SLC26A9: variants seen among roughly 807,000 people sequenced by gnomAD.
The protein encoded by SLC26A9 is anion transporter/exchanger protein 9.
Under a neutral mutation model 87.1 loss-of-function variants are expected in SLC26A9, and 46 were observed. The ratio of observed to expected loss-of-function variants is 0.53; its 90% CI spans 0.42 to 0.67. The LOEUF (loss-of-function observed/expected upper bound fraction) is 0.67, where lower values mean the gene tolerates loss of function less well. SLC26A9 is among the 30% of genes least tolerant of loss of function. The pLI is 0.00. For synonymous variants in SLC26A9, 437 were observed against 409.1 expected (o/e 1.07, Z -0.82); for missense variants, 927 against 1,018.3 (o/e 0.91, Z 1.22).
intron 1 of SLC26A9, among the ~76,000 whole-genome samples, chr1:205,937,177 G>A (rs911139852): frequency 1.3e-5 from 2 of 152,078 alleles, no homozygotes; most frequent in African/African-American, 2.4e-5. Context: ...TTGGTCTTGG[G>A]ATCCCAAGGT....
intron 6 of SLC26A9, 46 bp downstream of exon 6, chr1:205,929,846 C>T: frequency 6.5e-7 from 1 of 1,546,430 alleles, no homozygotes; most frequent in Admixed American, 1.9e-5. Context: ...CCTCATGTGT[C>T]TGCTGGAGCC....
intron 20 of SLC26A9, 105 bp from the exon 21 acceptor site, chr1:205,915,509 A>G: frequency 1.4e-6 from 2 of 1,410,234 alleles, no homozygotes; most frequent in Non-Finnish European, 2.0e-6. Context: ...CCTGGCCAGA[A>G]CAAAGCACCT....
Position 205,914,475 on chromosome 1 carries a change from A to C in SLC26A9, c.*882T>G. 7 of 173,974 alleles carry C rather than the reference A, an allele frequency of 4.0e-5. No individual in the cohort carries two copies. The highest frequency in any genetic ancestry group is 6.2e-5 in the Non-Finnish European group (5 of 80,140). The allele number at this position is 173,974 out of a possible 1,614,324, so 10.8% of individuals were successfully genotyped here. A position where few individuals can be genotyped will look rare whatever the true frequency, so the allele number is the denominator to read the frequency against. ...CTTCCCCTCTGAGTCTCTGGGTGCA[A>C]AGAGGAATTCCCAAAAGTTTTGTGC... On this transcript the variant is annotated 3_prime_UTR_variant, in exon 21 of 21. Transcript: ENST00000367135.
At chr1:205,928,133 G>C in intron 8 of SLC26A9, 84 bp from the exon 9 acceptor site, 3 of 1,498,472 alleles carry the variant, frequency 2.0e-6, no homozygotes, top group Non-Finnish European at 2.7e-6. Context: ...ACAGGGACCA[G>C]CCAGGCCCCC....
chr1:205,920,192 G>A lies in SLC26A9; in HGVS notation c.2094C>T (p.Phe698=). The change falls in exon 18 of 21, where the codon TTC becomes TTT. Residue 698 remains phenylalanine (F), a synonymous_variant. Transcript: ENST00000367135. ...TTCTCTTACCATGGATGTTCACCAA[G>A]AAGACCTTCACGCCGATCTTCCCAT... ...STYGKIGVKV[F]LVNIHAQVYN... is the part of the protein sequence containing the mutation. 6.2e-7 allele frequency: 1 copy of A among 1,614,042 alleles called. No homozygotes were observed. Among genetic ancestry groups the A allele is most frequent in the Non-Finnish European group, 8.5e-7 (1 of 1,179,918 alleles).
Position 205,928,905 on chromosome 1 carries a change from A to G in SLC26A9, c.875T>C (p.Val292Ala), listed in dbSNP as rs904885497. 6.2e-7 allele frequency: 1 copy of G among 1,614,098 alleles called. No homozygotes were observed. The highest frequency in any genetic ancestry group is 8.5e-7 in the Non-Finnish European group (1 of 1,180,010). Residue 292 changes from valine to alanine, a missense_variant, in exon 8 of 21, where the codon GTG (valine) becomes GCG (alanine). Val to Ala is a moderately conservative substitution (Grantham distance 64). Coordinates refer to ENST00000367135, the MANE Select transcript of SLC26A9 (RefSeq NM_052934.4). ...GCCCCCGGAGATAGCTGTTGCCACC[A>G]CCACCTGCAAACCCCAGAGTGGAGA... ...FPIPTEMIVV[V>A]VATAISGGCK...
chr1:205,927,156 G>A lies in SLC26A9; in HGVS notation c.1293+55C>T, dbSNP rs1659104287. On this transcript the variant is annotated intron_variant, in intron 11 of 20. Coordinates refer to ENST00000367135, the MANE Select transcript of SLC26A9 (RefSeq NM_052934.4). ...CCGTAAAGTGCCACACAACTCTCAG[G>A]GATTGTTCTTATTGGAGTCTTTCGT... 3.2e-6 allele frequency: 5 copies of A among 1,582,500 alleles called. No individual in the cohort carries two copies. The South Asian group carries it at 3.3e-5, about 11-fold the overall frequency.
intron 1 of SLC26A9, among the ~76,000 whole-genome samples, chr1:205,942,092 G>T (rs1659771156): frequency 6.6e-6 from 1 of 152,198 alleles, no homozygotes; most frequent in African/African-American, 2.4e-5. Context: ...GGTCAGTCTG[G>T]CTGTTTAGTA....
At chr1:205,923,896 T>G (rs1023999785) in intron 13 of SLC26A9, among the ~76,000 whole-genome samples, 1 of 152,086 alleles carries the variant, frequency 6.6e-6, no homozygotes, top group Non-Finnish European at 1.5e-5. Context: ...AAGTCATCAT[T>G]TCCTTGTTCT....
chr1:205,919,389 A>C (rs1236691968), intron 18 of SLC26A9, among the ~76,000 whole-genome samples: 1 of 152,134 alleles, frequency 6.6e-6, no homozygotes, highest in Non-Finnish European at 1.5e-5. Context: ...TTAATCCTAG[A>C]GATGGTTTCC....
At position 205,927,774 on chromosome 1, in the gene SLC26A9, A is replaced by T. The variant is rs556778204; in HGVS notation, c.1101+128T>A. 7.4e-6 allele frequency: 11 copies of T among 1,485,616 alleles called. No homozygotes were observed. In the African/African-American group the frequency reaches 1.5e-4, roughly 21 times the overall value. 92.0% of individuals were successfully genotyped at this position (1,485,616 alleles called of 1,614,324 possible). A position where few individuals can be genotyped will look rare whatever the true frequency, so the allele number is the denominator to read the frequency against. ...GAGGTCAGCCTCTTAGGGTCAGAGG[A>T]CCCCCTATCCCCCACACTCGAGGCA... is the stretch of plus-strand genomic sequence containing the variant. On this transcript the variant is annotated intron_variant, in intron 9 of 20. Transcript: ENST00000367135.
At chr1:205,926,741 C>T in intron 11 of SLC26A9, 111 bp from the exon 12 acceptor site, 1 of 836,424 alleles carries the variant, frequency 1.2e-6, no homozygotes, top group East Asian at 2.6e-5. Flanking sequence ...TCTGGAACAC[C>T]TCCCCTGGCT....
intron 11 of SLC26A9, 105 bp downstream of exon 11, chr1:205,927,106 T>C (rs1204916792): frequency 9.5e-6 from 11 of 1,160,800 alleles, no homozygotes; most frequent in Non-Finnish European, 1.4e-5. Flanking sequence ...TGAGACTAAG[T>C]GTGACAACAG....
rs375230261 is a variant in SLC26A9, at chr1:205,931,939, C to A, written c.473G>T (p.Ser158Ile). 1.2e-6 allele frequency: 2 copies of A among 1,614,124 alleles called. No individual in the cohort carries two copies. The highest frequency in any genetic ancestry group is 2.7e-5 in the African/African-American group (2 of 74,940). ...FQVFNNATNE[S>I]YVDTAAMEAE... is the part of the protein sequence containing the mutation. ...CTCCATGGCTGCTGTGTCCACATAG[C>A]TCTCATTGGTGGCATTGTTGAAGAC... Residue 158 changes from serine to isoleucine, a missense_variant, in exon 5 of 21, where the codon AGC (serine) becomes ATC (isoleucine). Coordinates refer to ENST00000367135, the MANE Select transcript of SLC26A9 (RefSeq NM_052934.4).
chr1:205,918,695 A>G, intron 19 of SLC26A9, 145 bp downstream of exon 19: 1 of 1,038,644 alleles, frequency 9.6e-7, no homozygotes, highest in Non-Finnish European at 1.4e-6. Context: ...CTCATTCTAT[A>G]GATAAGGAAA....
At position 205,913,142 on chromosome 1, in the gene SLC26A9, G is replaced by T. The variant is rs1658440903; in HGVS notation, c.*2215C>A. ...ATTATGCAAATATCTCAAGAGATAA[G>T]GTTCCCAGTCCTCCCTGGGAATTAT... On this transcript the variant is annotated 3_prime_UTR_variant, in exon 21 of 21. Transcript: ENST00000367135. The T allele has an allele frequency of 6.6e-6, 1 of 152,156 alleles. No homozygotes were observed. Among genetic ancestry groups the T allele is most frequent in the Non-Finnish European group, 1.5e-5 (1 of 68,032 alleles). 9.4% of individuals were successfully genotyped at this position (152,156 alleles called of 1,614,324 possible). A position where few individuals can be genotyped will look rare whatever the true frequency, so the allele number is the denominator to read the frequency against.
rs375875287 is a variant in SLC26A9 at position 205,935,801 on chromosome 1, C to A, written c.20G>T (p.Arg7Leu). The change falls in exon 2 of 21, where the codon CGC becomes CTC. Residue 7 changes from arginine to leucine, a missense_variant. Physicochemically the swap from Arg to Leu is moderately radical, Grantham distance 102. Transcript: ENST00000367135. Reference protein sequence around the residue: MSQPRPRYVVDRAAYSL... With the variant: MSQPRPLYVVDRAAYSL... ...GTATGCGGCTCTGTCTACCACGTAG[C>A]GGGGCCTGGGCTGGCTCATATCTGG... 3.7e-6 allele frequency: 6 copies of A among 1,613,506 alleles called. No homozygotes were observed. The highest frequency in any genetic ancestry group is 8.5e-7 in the Non-Finnish European group (1 of 1,179,728).
At chr1:205,927,378 C>A in intron 10 of SLC26A9, 90 bp from the exon 11 acceptor site, 4 of 1,563,956 alleles carry the variant, frequency 2.6e-6, no homozygotes, top group Non-Finnish European at 3.5e-6. Flanking sequence ...GGAGTGGAGA[C>A]TAAGACGGGA....
At chr1:205,926,439 C>T in intron 12 of SLC26A9, 96 bp downstream of exon 12, 1 of 1,015,618 alleles carries the variant, frequency 9.8e-7, no homozygotes, top group South Asian at 1.3e-5. Flanking sequence ...AAGCAGCAGA[C>T]TAGAGGGTTC....
Sources: gnomAD v4.1 joint callset for allele counts (sites outside exome capture counted in the v4.1 genomes callset) on GRCh38, gnomAD v4.1.1 for gene constraint, MANE v1.5 for transcripts, NCBI Gene and HGNC (gene_info 2026-07-23, HGNC 2026-07-21) for gene names.